The following RPAP2 variants were observed in gnomAD, a reference collection of about 807,000 sequenced individuals.
The protein encoded by RPAP2 is putative RNA polymerase II subunit B1 CTD phosphatase RPAP2.
In RPAP2, 52 loss-of-function variants were observed where a neutral mutation model predicts 73.1. The observed-to-expected ratio is 0.71, with a 90% CI of 0.57 to 0.90. RPAP2 has a LOEUF of 0.90. RPAP2 is among the 40% of genes least tolerant of loss of function. RPAP2 has a pLI of 0.00. For missense variants in RPAP2, 598 were observed against 701.8 expected (o/e 0.85, Z 1.67); for synonymous variants, 225 against 242.1 (o/e 0.93, Z 0.65).
At chr1:92,334,856 C>T (rs1394405435) in intron 9 of RPAP2, among the ~76,000 whole-genome samples, 2 of 151,982 alleles carry the variant, frequency 1.3e-5, no homozygotes, top group African/African-American at 2.4e-5. Flanking sequence ...GGCGTGGTGG[C>T]GGATGCCTGT....
At chr1:92,306,162 T>A (rs762102166) in intron 5 of RPAP2, among the ~76,000 whole-genome samples, 1 of 152,100 alleles carries the variant, frequency 6.6e-6, no homozygotes, top group Non-Finnish European at 1.5e-5. Context: ...TTATATGAGG[T>A]ACCTAGAGAA....
At chr1:92,307,668 T>A (rs997104408) in intron 6 of RPAP2, among the ~76,000 whole-genome samples, 1 of 152,176 alleles carries the variant, frequency 6.6e-6, no homozygotes, top group Non-Finnish European at 1.5e-5. Context: ...CAGGTTCATT[T>A]AATCTTTATA....
At chr1:92,383,406 G>T (rs1359373796) in intron 12 of RPAP2, among the ~76,000 whole-genome samples, 4 of 152,224 alleles carry the variant, frequency 2.6e-5, no homozygotes, top group Admixed American at 6.5e-5. Context: ...CATGAGCATG[G>T]AATGTTCTTC....
chr1:92,363,391 T>C (rs1339090268), intron 11 of RPAP2, among the ~76,000 whole-genome samples: 1 of 152,150 alleles, frequency 6.6e-6, no homozygotes, highest in East Asian at 1.9e-4. Flanking sequence ...GATGGAATAG[T>C]GTGAACAGGA....
chr1:92,317,237 G>A (rs1032992400), intron 6 of RPAP2, among the ~76,000 whole-genome samples: 4 of 152,090 alleles, frequency 2.6e-5, no homozygotes, highest in Admixed American at 1.3e-4. Context: ...GGCTCGGTGC[G>A]GTGGCTCACA....
At position 92,301,548 on chromosome 1, in the gene RPAP2, G is replaced by A. The variant is rs1571011691; in HGVS notation, c.192G>A (p.Gln64=). Residue 64 remains glutamine (Q), a synonymous_variant, in exon 3 of 13, where the codon CAG becomes CAA. Transcript: ENST00000610020. The part of the protein sequence containing the change: ...FERKALHIVE[Q]LLEENITEEF... ...GAAAAGCTCTACATATTGTTGAACAGCTTTTAGAGGAGAATATTACAGAAG... is the reference window on the plus strand; with the variant it reads ...GAAAAGCTCTACATATTGTTGAACAACTTTTAGAGGAGAATATTACAGAAG... The A allele has an allele frequency of 1.3e-6, 2 of 1,575,628 alleles. No homozygotes were observed. The highest frequency in any genetic ancestry group is 2.7e-5 in the African/African-American group (2 of 72,998).
At chr1:92,326,676 G>C (rs1005541916) in intron 8 of RPAP2, among the ~76,000 whole-genome samples, 1 of 152,168 alleles carries the variant, frequency 6.6e-6, no homozygotes, top group Non-Finnish European at 1.5e-5. Context: ...GGTCAGTGGA[G>C]CTATTCCAGG....
chr1:92,391,740 G>T lies in RPAP2; in HGVS notation c.*4729G>T, dbSNP rs534242379. 1 of 152,138 alleles carries T rather than the reference G, an allele frequency of 6.6e-6. No individual in the cohort carries two copies. Among genetic ancestry groups the T allele is most frequent in the Non-Finnish European group, 1.5e-5 (1 of 68,026 alleles). 9.4% of individuals were successfully genotyped at this position (152,138 alleles called of 1,614,324 possible). A position where few individuals can be genotyped will look rare whatever the true frequency, so the allele number is the denominator to read the frequency against. On this transcript the variant is annotated 3_prime_UTR_variant, in exon 13 of 13. Coordinates refer to ENST00000610020, the MANE Select transcript of RPAP2 (RefSeq NM_024813.3). ...CACAGAAATACAAACTACCATCAGC[G>T]AATACTATAAACACCTCTACACAAA...
chr1:92,312,885 G>C (rs530284337), intron 6 of RPAP2, among the ~76,000 whole-genome samples: 1 of 151,070 alleles, frequency 6.6e-6, no homozygotes, highest in East Asian at 1.9e-4. Context: ...GCAGTGGCGC[G>C]ATCTTGGCTC....
Position 92,315,836 on chromosome 1 carries a change from C to T in RPAP2, c.489-4763C>T, listed in dbSNP as rs1379270944. Among the ~76,000 whole-genome samples the T allele has an allele frequency of 3.9e-5, 6 of 152,144 alleles. No homozygotes were observed. The South Asian group carries it at 1.2e-3, about 32-fold the overall frequency. The stretch of plus-strand genomic sequence containing the variant: ...TGTCATGGAGACTAACAGTGGTTCT[C>T]ACAAAATGTCTCCTGATACCCTGTT... On this transcript the variant is annotated intron_variant, in intron 6 of 12. Transcript: ENST00000610020.
chr1:92,324,717 T>A (rs1381123163), intron 8 of RPAP2, among the ~76,000 whole-genome samples: 1 of 152,222 alleles, frequency 6.6e-6, no homozygotes, highest in Non-Finnish European at 1.5e-5. Context: ...TCTTTCAGAT[T>A]TTTACATGGG....
At chr1:92,386,760 G>A (rs1655878619) in intron 12 of RPAP2, among the ~76,000 whole-genome samples, 1 of 152,086 alleles carries the variant, frequency 6.6e-6, no homozygotes. Flanking sequence ...GAGTGCAATG[G>A]TGCAATCTTG....
In RPAP2 at chr1:92,327,774, G is replaced by T. The variant is rs187164485; in HGVS notation, c.1455+3399G>T. Among the ~76,000 whole-genome samples, 284 of 151,974 alleles carry T rather than the reference G, an allele frequency of 1.9e-3. 1 individual carries two copies. Among genetic ancestry groups the T allele is most frequent in the African/African-American group, 6.4e-3 (266 of 41,396 alleles). On this transcript the variant is annotated intron_variant, in intron 8 of 12. Coordinates refer to ENST00000610020, the MANE Select transcript of RPAP2 (RefSeq NM_024813.3). ...TCCTGTGAGATTTATGCTTTAAAGA[G>T]ATTCTATTTTGGTATTATTTCCAGG...
intron 4 of RPAP2, 43 bp downstream of exon 4, chr1:92,304,118 T>C (rs1557587828): frequency 1.4e-6 from 2 of 1,415,554 alleles, no homozygotes; most frequent in East Asian, 4.6e-5. Flanking sequence ...TTTATTATTT[T>C]CATTTAGCAA....
chr1:92,384,750 G>A (rs1223970173), intron 12 of RPAP2, among the ~76,000 whole-genome samples: 1 of 152,128 alleles, frequency 6.6e-6, no homozygotes, highest in East Asian at 1.9e-4. Flanking sequence ...GTGAGCTTGG[G>A]TTGGTTTGTA....
At chr1:92,361,943 A>G (rs927339458) in intron 11 of RPAP2, among the ~76,000 whole-genome samples, 2 of 152,174 alleles carry the variant, frequency 1.3e-5, no homozygotes, top group African/African-American at 2.4e-5. Context: ...TATTTATCTG[A>G]TGCATCACAG....
rs770534805 is a variant in RPAP2 at position 92,301,510 on chromosome 1, ATTGAAT to A, written c.159_164del (p.Phe54_Glu55del). The A allele has an allele frequency of 1.9e-6, 3 of 1,595,422 alleles. No individual in the cohort carries two copies. The highest frequency in any genetic ancestry group is 3.7e-5 in the Admixed American group (2 of 54,466). On this transcript the variant is annotated inframe_deletion, in exon 3 of 13. Coordinates refer to ENST00000610020, the MANE Select transcript of RPAP2 (RefSeq NM_024813.3). Reference sequence around the variant, plus strand: ...ACTAGAAGCAGCTGTGAGAAAGAAGATTGAATTTGAGAGAAAAGCTCTACATATTGT... The same window carrying A: ...ACTAGAAGCAGCTGTGAGAAAGAAGATTGAGAGAAAAGCTCTACATATTGT...
At position 92,323,498 on chromosome 1, in the gene RPAP2, A is replaced by C. The variant is rs748213237; in HGVS notation, c.578A>C (p.Asp193Ala). The C allele has an allele frequency of 2.5e-6, 4 of 1,613,726 alleles. No individual in the cohort carries two copies. In the South Asian group the frequency reaches 4.4e-5, roughly 18 times the overall value. The change falls in exon 8 of 13, where the codon GAT becomes GCT. Residue 193 changes from aspartate (D) to alanine (A), a missense_variant. Physicochemically the swap from Asp to Ala is moderately radical, Grantham distance 126 (BLOSUM62 -2). This residue lies in a region of RPAP2 where 506 missense variants were observed against 612.8 expected (regional missense o/e 0.83). Transcript: ENST00000610020. ...QLCSKAIKTSDIDNPSHFEKQ... is the reference protein window; with the variant it reads ...QLCSKAIKTSAIDNPSHFEKQ... ...TGCAGTAAAGCCATTAAAACATCAG[A>C]TATCGACAATCCTAGCCACTTTGAA...
At chr1:92,319,475 T>G (rs1652121170) in intron 6 of RPAP2, among the ~76,000 whole-genome samples, 1 of 152,094 alleles carries the variant, frequency 6.6e-6, no homozygotes, top group Non-Finnish European at 1.5e-5. Context: ...TCTACTAAAT[T>G]TTAAGGTCTG....
Sources: gnomAD v4.1 joint callset for allele counts (sites outside exome capture counted in the v4.1 genomes callset) on GRCh38, gnomAD v4.1.1 for gene constraint, gnomAD v4.1.1 regional missense constraint, MANE v1.5 for transcripts, NCBI Gene and HGNC (gene_info 2026-07-23, HGNC 2026-07-21) for gene names.